HERC3: variants seen among roughly 807,000 people sequenced by gnomAD.
The protein encoded by HERC3 is probable E3 ubiquitin-protein ligase HERC3.
A neutral mutation model predicts 129.9 loss-of-function variants in HERC3; 58 were observed. That is an observed-to-expected ratio of 0.45 (90% confidence interval 0.36 to 0.56). HERC3 has a LOEUF of 0.56. HERC3 is among the 20% of genes least tolerant of loss of function. The pLI, the probability that HERC3 is intolerant of heterozygous loss-of-function variation, is 0.00. For synonymous variants in HERC3, 430 were observed against 451.0 expected (o/e 0.95, Z 0.59); for missense variants, 835 against 1,244.2 (o/e 0.67, Z 4.95).
At chr4:88,684,896 C>T (rs1225612643) in intron 21 of HERC3, 1 of 152,306 alleles carries the variant, frequency 6.6e-6, no homozygotes, top group African/African-American at 2.4e-5. Flanking sequence ...TGCGCAGGGG[C>T]CATGCTAATC....
chr4:88,680,706 CTG>C (rs1732683903), intron 20 of HERC3, among the ~76,000 whole-genome samples: 1 of 152,210 alleles, frequency 6.6e-6, no homozygotes, highest in Non-Finnish European at 1.5e-5. Context: ...CTTCCTAGAT[CTG>C]CACCATACCA....
At chr4:88,541,497 A>G in the HERC3 span, among the ~76,000 whole-genome samples, 1 of 152,216 alleles carries the variant, frequency 6.6e-6, no homozygotes. Context: ...ACAATGGGAG[A>G]CTTTAACACC....
the HERC3 span, among the ~76,000 whole-genome samples, chr4:88,572,608 A>G: frequency 2.0e-5 from 3 of 151,478 alleles, no homozygotes; most frequent in Admixed American, 6.6e-5. Context: ...CAGGAGATTG[A>G]GACCATCCTG....
chr4:88,704,755 G>A (rs769185479), intron 25 of HERC3, 145 bp downstream of exon 25: 3 of 606,078 alleles, frequency 4.9e-6, no homozygotes, highest in Non-Finnish European at 8.9e-6. Flanking sequence ...TTGTCTTAAT[G>A]TTATCTCAGG....
chr4:88,695,426 G>A (rs983514210), intron 23 of HERC3, among the ~76,000 whole-genome samples: 1 of 152,134 alleles, frequency 6.6e-6, no homozygotes, highest in East Asian at 1.9e-4. Flanking sequence ...TCAGAATGAA[G>A]CAAACATAAA....
At chr4:88,553,136 G>A in the HERC3 span, among the ~76,000 whole-genome samples, 1 of 152,292 alleles carries the variant, frequency 6.6e-6, no homozygotes, top group African/African-American at 2.4e-5. Flanking sequence ...AATGGACCAT[G>A]GGTAATATAA....
chr4:88,544,114 C>G, the HERC3 span, among the ~76,000 whole-genome samples: 1 of 152,090 alleles, frequency 6.6e-6, no homozygotes, highest in South Asian at 2.1e-4. Flanking sequence ...AAAAGTAACT[C>G]TCATCAGAGT....
Position 88,600,213 on chromosome 4 carries a change from G to T in HERC3, c.-30+4599G>T, listed in dbSNP as rs73844018. Among the ~76,000 whole-genome samples the T allele has an allele frequency of 4.9e-4, 74 of 152,222 alleles. 1 individual carries two copies. Among genetic ancestry groups the T allele is most frequent in the African/African-American group, 1.6e-3 (65 of 41,546 alleles). ...TTTTTATTGCAAGTGAAAGAAACCTGATTCAAACAAGCATAAATAAATAAG... is the reference window on the plus strand; with the variant it reads ...TTTTTATTGCAAGTGAAAGAAACCTTATTCAAACAAGCATAAATAAATAAG... On this transcript the variant is annotated intron_variant, in intron 2 of 25. Transcript: ENST00000402738.
the HERC3 span, among the ~76,000 whole-genome samples, chr4:88,542,079 C>T: frequency 6.6e-6 from 1 of 151,918 alleles, no homozygotes; most frequent in Non-Finnish European, 1.5e-5. Context: ...TAGCAGAAGG[C>T]AAGAAATAAC....
intron 7 of HERC3, among the ~76,000 whole-genome samples, chr4:88,654,925 G>A (rs1428090014): frequency 6.6e-6 from 1 of 152,018 alleles, no homozygotes; most frequent in Non-Finnish European, 1.5e-5. Flanking sequence ...ACTTTCAAAC[G>A]ATTTTAAAAA....
the HERC3 span, among the ~76,000 whole-genome samples, chr4:88,528,856 A>G: frequency 6.6e-6 from 1 of 152,210 alleles, no homozygotes. Context: ...GGTTTTGTTA[A>G]TTTACTATTT....
chr4:88,579,737 GT>G, the HERC3 span, among the ~76,000 whole-genome samples: 4 of 152,140 alleles, frequency 2.6e-5, no homozygotes, highest in Non-Finnish European at 4.4e-5. Context: ...CTGTGCATAT[GT>G]TTTTTTAAAT....
intron 23 of HERC3, chr4:88,697,582 G>A (rs1357109374): frequency 6.2e-7 from 1 of 1,613,860 alleles, no homozygotes; most frequent in East Asian, 2.2e-5. Flanking sequence ...ATTCTCTGCA[G>A]GGGTCTGGGG....
the HERC3 span, among the ~76,000 whole-genome samples, chr4:88,557,831 C>A: frequency 6.6e-6 from 1 of 151,828 alleles, no homozygotes; most frequent in Non-Finnish European, 1.5e-5. Context: ...CTGAGGCGGG[C>A]AGATCACCTG....
At chr4:88,544,436 T>G in the HERC3 span, among the ~76,000 whole-genome samples, 2 of 152,172 alleles carry the variant, frequency 1.3e-5, no homozygotes, top group Admixed American at 1.3e-4. Flanking sequence ...CTGGAGAGGA[T>G]GTGGAGAAAT....
At chr4:88,618,576 A>G (rs1725171137) in intron 3 of HERC3, among the ~76,000 whole-genome samples, 1 of 152,048 alleles carries the variant, frequency 6.6e-6, no homozygotes, top group Non-Finnish European at 1.5e-5. Context: ...ATAAAATGTG[A>G]TTAGGAGTGG....
At chr4:88,533,003 T>C in the HERC3 span, among the ~76,000 whole-genome samples, 1,336 of 152,354 alleles carry the variant, frequency 8.8e-3, 17 homozygotes, top group South Asian at 0.034. Flanking sequence ...GCAGGCCATC[T>C]GCAAGCTGAA....
chr4:88,556,661 C>A, the HERC3 span, among the ~76,000 whole-genome samples: 1 of 152,102 alleles, frequency 6.6e-6, no homozygotes. Context: ...CTTCCTTACC[C>A]TTCTGCAATC....
chr4:88,654,385 TATAC>T (rs1305956651), intron 7 of HERC3, among the ~76,000 whole-genome samples: 22 of 104,322 alleles, frequency 2.1e-4, no homozygotes, highest in Non-Finnish European at 3.0e-4. Context: ...TATATATATA[TATAC>T]ACACACACAC....
Sources: gnomAD v4.1 joint callset for allele counts (sites outside exome capture counted in the v4.1 genomes callset) on GRCh38, gnomAD v4.1.1 for gene constraint, MANE v1.5 for transcripts, NCBI Gene and HGNC (gene_info 2026-07-23, HGNC 2026-07-21) for gene names.